LRRC4C: variants seen among roughly 807,000 people sequenced by gnomAD.
LRRC4C encodes leucine-rich repeat-containing protein 4C.
LRRC4C carries 5 observed loss-of-function variants against 33.6 expected under a neutral mutation model. The ratio of observed to expected loss-of-function variants is 0.15; its 90% CI spans 0.08 to 0.31. LRRC4C has a LOEUF of 0.31. Among genes scored for constraint, LRRC4C ranks in the 10% least tolerant of loss-of-function variants. The pLI is 1.00. For missense variants in LRRC4C, 560 were observed against 796.7 expected (o/e 0.70, Z 3.58); for synonymous variants, 329 against 302.0 (o/e 1.09, Z -0.93).
At chr11:41,182,816 G>T (rs932674914) in intron 1 of LRRC4C, among the ~76,000 whole-genome samples, 12 of 150,024 alleles carry the variant, frequency 8.0e-5, no homozygotes, top group Non-Finnish European at 1.6e-4. Flanking sequence ...TTTTCACACT[G>T]CTGATAAATA....
chr11:40,342,930 T>C, intron 3 of LRRC4C, among the ~76,000 whole-genome samples: 1 of 152,180 alleles, frequency 6.6e-6, no homozygotes, highest in East Asian at 1.9e-4. Flanking sequence ...CTCCATCTAT[T>C]TTTCTTTATT....
chr11:41,246,183 G>A (rs955545440), intron 1 of LRRC4C, among the ~76,000 whole-genome samples: 1 of 152,102 alleles, frequency 6.6e-6, no homozygotes, highest in African/African-American at 2.4e-5. Flanking sequence ...GGGGGTGCCT[G>A]CAGTCCCTTG....
At chr11:41,443,134 C>G (rs1465970780) in intron 1 of LRRC4C, among the ~76,000 whole-genome samples, 7 of 123,106 alleles carry the variant, frequency 5.7e-5, no homozygotes, top group African/African-American at 2.0e-4. Flanking sequence ...GCAAATCCAA[C>G]CTCATCATAT....
intron 1 of LRRC4C, among the ~76,000 whole-genome samples, chr11:41,174,778 T>A (rs1945124024): frequency 6.6e-6 from 1 of 152,078 alleles, no homozygotes; most frequent in African/African-American, 2.4e-5. Flanking sequence ...AGCCCTAATT[T>A]GTTTTTTTTA....
intron 3 of LRRC4C, among the ~76,000 whole-genome samples, chr11:40,337,800 A>G (rs190239264): frequency 8.5e-4 from 129 of 152,182 alleles, no homozygotes; most frequent in African/African-American, 3.0e-3. Flanking sequence ...CCTAGTGCCC[A>G]TTGATTATTT....
At chr11:40,133,157 TA>T (rs1024838036) in intron 6 of LRRC4C, among the ~76,000 whole-genome samples, 7 of 152,138 alleles carry the variant, frequency 4.6e-5, no homozygotes, top group African/African-American at 1.7e-4. Flanking sequence ...TGATAGTCAT[TA>T]ACCCCCAACT....
At chr11:41,407,597 C>T (rs114253821) in intron 1 of LRRC4C, among the ~76,000 whole-genome samples, 3,966 of 152,126 alleles carry the variant, frequency 0.026, 68 homozygotes, top group African/African-American at 0.055. Flanking sequence ...CCACTGTTCT[C>T]GGCCCAAAGT....
At chr11:41,336,985 A>G (rs1401599006) in intron 1 of LRRC4C, among the ~76,000 whole-genome samples, 1 of 152,216 alleles carries the variant, frequency 6.6e-6, no homozygotes, top group South Asian at 2.1e-4. Flanking sequence ...GACTATTCAT[A>G]GCAGCAGAAG....
intron 3 of LRRC4C, among the ~76,000 whole-genome samples, chr11:40,325,293 A>G (rs1946043163): frequency 6.6e-6 from 1 of 152,232 alleles, no homozygotes; most frequent in African/African-American, 2.4e-5. Flanking sequence ...AGTTTCAGCT[A>G]CTTTTGCTTT....
rs147541478 is a variant in LRRC4C at position 40,784,533 on chromosome 11, A to G, written c.-406-136255T>C. Among the ~76,000 whole-genome samples the G allele has an allele frequency of 3.3e-3, 506 of 152,332 alleles. 6 individuals are homozygous for G. The highest frequency in any genetic ancestry group is 0.012 in the African/African-American group (493 of 41,580). On this transcript the variant is annotated intron_variant, in intron 2 of 6. Coordinates refer to ENST00000528697, the MANE Select transcript of LRRC4C (RefSeq NM_001258419.2). ...CAAGCAATGATAGTAACATTTTTGAACACAACTTAAAGTAATTTTTTATGT... is the reference window on the plus strand; with the variant it reads ...CAAGCAATGATAGTAACATTTTTGAGCACAACTTAAAGTAATTTTTTATGT...
rs367753320 is a variant in LRRC4C, at chr11:40,880,365, T to C, written c.-407+53270A>G. Among the ~76,000 whole-genome samples the C allele has an allele frequency of 1.5e-3, 224 of 152,252 alleles. 8 individuals are homozygous for C. The South Asian group carries it at 0.042, about 28-fold the overall frequency. On this transcript the variant is annotated intron_variant, in intron 2 of 6. Coordinates refer to ENST00000528697, the MANE Select transcript of LRRC4C (RefSeq NM_001258419.2). ...GTCACTAAACTCTGAGGTGATTCAA[T>C]AGCTAACTGAACAGATATTTTTGAC...
intron 2 of LRRC4C, among the ~76,000 whole-genome samples, chr11:40,853,909 A>G (rs912558632): frequency 1.3e-5 from 2 of 152,168 alleles, no homozygotes; most frequent in Non-Finnish European, 2.9e-5. Context: ...GACACATTTC[A>G]CTGATTTGCT....
Position 41,276,320 on chromosome 11 carries a change from C to A in LRRC4C, c.-496+183111G>T, listed in dbSNP as rs568524762. On this transcript the variant is annotated intron_variant, in intron 1 of 6. Transcript: ENST00000528697. ...CCTGGTCACCATCCACACAGGACAG[C>A]CAGCCTGTGTTTTAGCTCCTTGAAC... 1.6e-4 allele frequency among the ~76,000 whole-genome samples: 24 copies of A among 152,230 alleles called. No homozygotes were observed. In the South Asian group the frequency reaches 4.8e-3, roughly 30 times the overall value.
chr11:40,305,102 T>A (rs2136696242), intron 4 of LRRC4C, among the ~76,000 whole-genome samples: 1 of 152,328 alleles, frequency 6.6e-6, no homozygotes, highest in Non-Finnish European at 1.5e-5. Flanking sequence ...ATATGGGCAT[T>A]CTTTTAGTGC....
At chr11:40,674,439 A>G (rs1450924464) in intron 2 of LRRC4C, among the ~76,000 whole-genome samples, 1 of 152,190 alleles carries the variant, frequency 6.6e-6, no homozygotes, top group Non-Finnish European at 1.5e-5. Flanking sequence ...AACATTCAAA[A>G]TATTCAACAG....
intron 3 of LRRC4C, among the ~76,000 whole-genome samples, chr11:40,356,065 CTG>C (rs760765995): frequency 1.3e-5 from 2 of 152,012 alleles, no homozygotes; most frequent in African/African-American, 2.4e-5. Context: ...CACTCAGTGA[CTG>C]TGATTTATGG....
chr11:40,952,894 ACACTCT>A (rs757288252), intron 1 of LRRC4C, among the ~76,000 whole-genome samples: 2,961 of 50,772 alleles, frequency 0.058, 30 homozygotes, highest in South Asian at 0.16. Context: ...ACACACACAC[ACACTCT>A]CTCTCTCTCT....
At chr11:41,004,901 T>C (rs1429090189) in intron 1 of LRRC4C, among the ~76,000 whole-genome samples, 1 of 152,102 alleles carries the variant, frequency 6.6e-6, no homozygotes, top group East Asian at 1.9e-4. Context: ...CTAACTATCA[T>C]GGATGCTAAA....
At chr11:41,209,412 G>A (rs897325681) in intron 1 of LRRC4C, among the ~76,000 whole-genome samples, 29 of 151,836 alleles carry the variant, frequency 1.9e-4, no homozygotes, top group Admixed American at 9.8e-4. Flanking sequence ...CACAAAACCC[G>A]TAGTTTCACA....
Sources: allele counts gnomAD v4.1 joint callset (sites outside exome capture counted in the v4.1 genomes callset), GRCh38; gene constraint gnomAD v4.1.1; transcripts MANE v1.5; gene names NCBI Gene and HGNC (gene_info 2026-07-23, HGNC 2026-07-21).